SLC4A5: variants seen among roughly 807,000 people sequenced by gnomAD.
SLC4A5 encodes the protein solute carrier family 4 member 5.
SLC4A5 carries 96 observed loss-of-function variants against 120.4 expected under a neutral mutation model. The ratio of observed to expected loss-of-function variants is 0.80; its 90% CI spans 0.68 to 0.94. SLC4A5 has a LOEUF of 0.94. Ranked by LOEUF, SLC4A5 falls within the 40% of genes least tolerant of loss-of-function variation. SLC4A5 has a pLI of 0.00. For missense variants in SLC4A5, 1,259 were observed against 1,459.5 expected (o/e 0.86, Z 2.24); for synonymous variants, 550 against 571.1 (o/e 0.96, Z 0.53).
At chr2:74,227,600 A>G (rs1404639947) in intron 26 of SLC4A5, 3 of 1,509,206 alleles carry the variant, frequency 2.0e-6, no homozygotes, top group South Asian at 2.3e-5. Context: ...AATTACATAG[A>G]TTCAATTATA....
At chr2:74,236,200 C>T (rs1404156177) in intron 21 of SLC4A5, among the ~76,000 whole-genome samples, 1 of 152,126 alleles carries the variant, frequency 6.6e-6, no homozygotes, top group East Asian at 1.9e-4. Context: ...ATGTCATTAA[C>T]TAATATGCAT....
At chr2:74,243,433 G>A (rs893288557) in intron 19 of SLC4A5, among the ~76,000 whole-genome samples, 3 of 152,210 alleles carry the variant, frequency 2.0e-5, no homozygotes, top group African/African-American at 7.2e-5. Context: ...TTGACCCAGG[G>A]CAGAATATTC....
At chr2:74,284,896 T>C (rs1379183950) in intron 8 of SLC4A5, among the ~76,000 whole-genome samples, 2 of 152,198 alleles carry the variant, frequency 1.3e-5, no homozygotes, top group African/African-American at 4.8e-5. Context: ...CTCTGCCAGA[T>C]AGCCCTCTCC....
At chr2:74,332,230 C>T (rs1673379798) in intron 4 of SLC4A5, among the ~76,000 whole-genome samples, 1 of 152,194 alleles carries the variant, frequency 6.6e-6, no homozygotes, top group Admixed American at 6.5e-5. Flanking sequence ...AAAGAGTCCA[C>T]ATAGACTGGG....
chr2:74,315,117 A>G lies in SLC4A5; in HGVS notation c.-2-92T>C, dbSNP rs1213038830. The G allele has an allele frequency of 5.6e-6, 6 of 1,062,444 alleles. 1 individual carries two copies. The highest frequency in any genetic ancestry group is 4.1e-4 in the Middle Eastern group (2 of 4,860). The allele number at this position is 1,062,444 out of a possible 1,614,324, so 65.8% of individuals were successfully genotyped here. On this transcript the variant is annotated intron_variant, in intron 5 of 30. Coordinates refer to ENST00000394019, the Ensembl canonical transcript of SLC4A5. ...TGGTCAAATCCACAGTCATAATGGG[A>G]GATTTTAATACAGATAAAAAACTAA...
At chr2:74,333,495 C>A (rs1673416245) in intron 4 of SLC4A5, among the ~76,000 whole-genome samples, 1 of 152,104 alleles carries the variant, frequency 6.6e-6, no homozygotes, top group Admixed American at 6.5e-5. Context: ...AACAATACAA[C>A]AATAAAAAAT....
chr2:74,241,248 C>CTT (rs1433864818), intron 20 of SLC4A5, among the ~76,000 whole-genome samples: 5 of 101,576 alleles, frequency 4.9e-5, no homozygotes, highest in African/African-American at 2.4e-4. Context: ...GTGTGCGTGT[C>CTT]ATATTATTAT....
rs142328720 is a variant in SLC4A5 at position 74,255,113 on chromosome 2, G to A, written c.1026-407C>T. Among the ~76,000 whole-genome samples the A allele has an allele frequency of 1.3e-4, 20 of 151,956 alleles. 1 individual carries two copies. The Middle Eastern group carries it at 0.017, about 129-fold the overall frequency. On this transcript the variant is annotated intron_variant, in intron 13 of 30. Transcript: ENST00000394019. The surrounding 1 kb of genome is among the most constrained non-coding windows in gnomAD (Gnocchi z 4.0). The stretch of plus-strand genomic sequence containing the variant: ...TGGGATTAGAGGAATGAGCCACTGC[G>A]CTGGGCCCATTCTTAACTTTTTTAC...
chr2:74,296,616 CAA>C (rs1160532512), intron 7 of SLC4A5, among the ~76,000 whole-genome samples: 10 of 47,468 alleles, frequency 2.1e-4, no homozygotes, highest in African/African-American at 3.0e-4. Context: ...ACTAAAAATA[CAA>C]AAAAAAAAAA....
At chr2:74,336,698 G>A (rs530295608) in intron 3 of SLC4A5, among the ~76,000 whole-genome samples, 33 of 152,324 alleles carry the variant, frequency 2.2e-4, no homozygotes, top group African/African-American at 7.5e-4. Flanking sequence ...GATGGGAATA[G>A]GGAGTCTTGC....
exon 12 of SLC4A5, chr2:74,259,631 C>T (rs756832283): frequency 1.9e-6 from 3 of 1,614,048 alleles, no homozygotes; most frequent in South Asian, 2.2e-5. Flanking sequence ...CATGCTTCTG[C>T]TCTGGGCATG....
Position 74,248,439 on chromosome 2 carries a change from G to C in SLC4A5, c.1701C>G (p.Phe567Leu), listed in dbSNP as rs754770098. The change falls in exon 18 of 31, where the codon TTC (phenylalanine) becomes TTG (leucine). Residue 567 changes from phenylalanine (F) to leucine (L), a missense_variant. Coordinates refer to ENST00000394019, the Ensembl canonical transcript of SLC4A5. ...TGAGAGGCTGTCCCGAGAAGAGGCA[G>C]AACAAGGAGCCAGCCATGGCAGTGC... The C allele has an allele frequency of 8.1e-6, 13 of 1,614,062 alleles. No homozygotes were observed. The Admixed American group carries it at 2.2e-4, about 27-fold the overall frequency.
exon 15 of SLC4A5, chr2:74,253,094 C>T (rs973365094): frequency 7.4e-6 from 12 of 1,613,906 alleles, no homozygotes; most frequent in African/African-American, 5.3e-5. Context: ...CAGATCTTCC[C>T]GATTGCGGGC....
At chr2:74,243,561 A>G (rs1476021448) in intron 19 of SLC4A5, among the ~76,000 whole-genome samples, 2 of 152,234 alleles carry the variant, frequency 1.3e-5, no homozygotes, top group East Asian at 3.8e-4. Flanking sequence ...CATGATGTGC[A>G]ATTAATGATG....
At chr2:74,317,784 G>C (rs1417460861) in intron 5 of SLC4A5, among the ~76,000 whole-genome samples, 2 of 152,240 alleles carry the variant, frequency 1.3e-5, no homozygotes, top group Admixed American at 1.3e-4. Flanking sequence ...AGAACTTCCA[G>C]ATTCCAACAT....
chr2:74,267,570 G>A (rs909679704), intron 8 of SLC4A5, among the ~76,000 whole-genome samples: 1 of 152,224 alleles, frequency 6.6e-6, no homozygotes, highest in Admixed American at 6.5e-5. Context: ...CATGTGTCTG[G>A]AGAAAGCAAA....
chr2:74,217,699 C>T (rs1043697905), exon 31 of SLC4A5: 2 of 152,214 alleles, frequency 1.3e-5, no homozygotes, highest in Non-Finnish European at 2.9e-5. Flanking sequence ...CATTTATCCA[C>T]TCAGATGCAT....
intron 24 of SLC4A5, among the ~76,000 whole-genome samples, chr2:74,232,046 CG>C (rs1670106665): frequency 6.6e-6 from 1 of 152,082 alleles, no homozygotes; most frequent in South Asian, 2.1e-4. Flanking sequence ...GACTGGGGAG[CG>C]GGGGTGATCC....
rs1444471590 is a variant in SLC4A5, at chr2:74,235,091, AG to A, written c.2433+9del. 1 of 1,608,106 alleles carries A rather than the reference AG, an allele frequency of 6.2e-7. No homozygotes were observed. On this transcript the variant is annotated intron_variant, in intron 22 of 30. Transcript: ENST00000394019. ...AGACTGGATGCCCAGAGCGAGGGAA[AG>A]GGGCAAACCTTGATGACACTGGGCA... is the stretch of plus-strand genomic sequence containing the variant.
Sources: allele counts gnomAD v4.1 joint callset (sites outside exome capture counted in the v4.1 genomes callset), GRCh38; gene constraint gnomAD v4.1.1; non-coding constraint Gnocchi (gnomAD v3.1); transcripts MANE v1.5; gene names NCBI Gene and HGNC (gene_info 2026-07-23, HGNC 2026-07-21).